The following EIF1AX variants were observed in gnomAD, a reference collection of about 807,000 sequenced individuals.
EIF1AX encodes eukaryotic translation initiation factor 1A, X-chromosomal.
A neutral mutation model predicts 16.1 loss-of-function variants in EIF1AX; 1 was observed. The ratio of observed to expected loss-of-function variants is 0.06; its 90% CI spans 0.02 to 0.30. The LOEUF is 0.30. EIF1AX is among the 10% of genes least tolerant of loss of function. The pLI is 1.00. For missense variants in EIF1AX, 11 were observed against 109.1 expected (o/e 0.10, Z 4.00); for synonymous variants, 32 against 37.3 (o/e 0.86, Z 0.51).
At position 20,135,474 on chromosome X, in the gene EIF1AX, G is replaced by T. The variant is rs773518853; in HGVS notation, c.204+264C>A. Among the ~76,000 whole-genome samples the T allele has an allele frequency of 4.5e-5, 5 of 110,975 alleles. No individual in the cohort carries two copies. In the South Asian group the frequency reaches 1.9e-3, roughly 42 times the overall value. ...AAAAAAGACAAGGAAAAAAAAAACT[G>T]GGCCGTTTGTTTTTGCAGAATGTCT... On this transcript the variant is annotated intron_variant, in intron 3 of 6. Coordinates refer to ENST00000379607, the MANE Select transcript of EIF1AX (RefSeq NM_001412.4).
At chrX:20,131,927 A>G (rs1603415014) in intron 5 of EIF1AX, among the ~76,000 whole-genome samples, 1 of 108,632 alleles carries the variant, frequency 9.2e-6, no homozygotes, top group African/African-American at 3.4e-5. Flanking sequence ...AATAGATACT[A>G]TAACAAAATT....
At position 20,141,663 on chromosome X, in the gene EIF1AX, C is replaced by A; in HGVS notation, c.-23G>T. 2.6e-6 allele frequency: 3 copies of A among 1,153,767 alleles called. No individual in the cohort carries two copies. In the East Asian group the frequency reaches 1.0e-4, roughly 39 times the overall value. On this transcript the variant is annotated 5_prime_UTR_variant, in exon 1 of 7. Transcript: ENST00000379607. ...CATGGCGGTGGCGGCGACCTCGCGGCGTCTCTGACTTCTTTCCGGGTAGCG... is the reference window on the plus strand; with the variant it reads ...CATGGCGGTGGCGGCGACCTCGCGGAGTCTCTGACTTCTTTCCGGGTAGCG...
chrX:20,129,110 T>C (rs1230378972), intron 6 of EIF1AX, among the ~76,000 whole-genome samples: 2 of 111,371 alleles, frequency 1.8e-5, no homozygotes, highest in Admixed American at 9.6e-5. Context: ...GCTCAGGGTC[T>C]CCAAAATTAA....
At position 20,126,198 on chromosome X, in the gene EIF1AX, T is replaced by C. The variant is rs2066984787; in HGVS notation, c.*2108A>G. 7.2e-6 allele frequency: 1 copy of C among 139,457 alleles called. No homozygotes were observed. Among genetic ancestry groups the C allele is most frequent in the African/African-American group, 3.2e-5 (1 of 31,526 alleles). The allele number at this position is 139,457 out of a possible 1,213,427, so 11.5% of individuals were successfully genotyped here. A position where few individuals can be genotyped will look rare whatever the true frequency, so the allele number is the denominator to read the frequency against. ...GAATCAGAGTGTATAAGCAAAAAAA[T>C]GAAAAATAAAACTTCTTGGAGACCA... On this transcript the variant is annotated 3_prime_UTR_variant, in exon 7 of 7. Coordinates refer to ENST00000379607, the MANE Select transcript of EIF1AX (RefSeq NM_001412.4).
At position 20,137,631 on chromosome X, in the gene EIF1AX, G is replaced by A. The variant is rs962534032; in HGVS notation, c.100+908C>T. On this transcript the variant is annotated intron_variant, in intron 2 of 6. Coordinates refer to ENST00000379607, the MANE Select transcript of EIF1AX (RefSeq NM_001412.4). ...TATTTGACTAGTGCTATGTATCTTG[G>A]TCTGGCACTTACAATATTCTTCAGT... 2.7e-5 allele frequency among the ~76,000 whole-genome samples: 3 copies of A among 111,535 alleles called. No homozygotes were observed. In the Admixed American group the frequency reaches 2.9e-4, roughly 11 times the overall value.
chrX:20,141,176 A>G (rs757608188), intron 1 of EIF1AX, among the ~76,000 whole-genome samples: 21 of 111,823 alleles, frequency 1.9e-4, no homozygotes, highest in Non-Finnish European at 3.6e-4. Context: ...CTGTCCATAA[A>G]GAAACCCATG....
At chrX:20,139,118 G>A (rs1233657940) in intron 1 of EIF1AX, among the ~76,000 whole-genome samples, 1 of 111,604 alleles carries the variant, frequency 9.0e-6, no homozygotes, top group Non-Finnish European at 1.9e-5. Context: ...GTGCAGTGGT[G>A]TGCGCCTAGG....
In EIF1AX at chrX:20,141,688, G is replaced by T; in HGVS notation, c.-48C>A. On this transcript the variant is annotated 5_prime_UTR_variant, in exon 1 of 7. Transcript: ENST00000379607. ...CGTCTCTGACTTCTTTCCGGGTAGC[G>T]GCGACCGCGGCGGCTGCTGCTCCGA... The T allele has an allele frequency of 8.9e-7, 1 of 1,126,318 alleles. No homozygotes were observed. The highest frequency in any genetic ancestry group is 2.0e-5 in the South Asian group (1 of 49,511). The allele number at this position is 1,126,318 out of a possible 1,213,427, so 92.8% of individuals were successfully genotyped here.
At chrX:20,129,795 G>T in intron 6 of EIF1AX, among the ~76,000 whole-genome samples, 1 of 112,113 alleles carries the variant, frequency 8.9e-6, no homozygotes, top group Non-Finnish European at 1.9e-5. Flanking sequence ...TATCAAGCTG[G>T]TTCAAACAAG....
At chrX:20,139,897 G>A (rs1341546095) in intron 1 of EIF1AX, 4 of 112,145 alleles carry the variant, frequency 3.6e-5, no homozygotes, top group Non-Finnish European at 5.6e-5. Context: ...TATCATGTTA[G>A]CTGTATTTTT....
Position 20,127,070 on chromosome X carries a change from T to C in EIF1AX, c.*1236A>G, listed in dbSNP as rs1354897930. ...GTTTGGCTAGTGAGGGCTAACTAGC[T>C]CAGCCCTAGTTTCATTTTATTAGAG... On this transcript the variant is annotated 3_prime_UTR_variant, in exon 7 of 7. Coordinates refer to ENST00000379607, the MANE Select transcript of EIF1AX (RefSeq NM_001412.4). 1 of 145,700 alleles carries C rather than the reference T, an allele frequency of 6.9e-6. No homozygotes were observed. The highest frequency in any genetic ancestry group is 3.0e-5 in the African/African-American group (1 of 32,967). The allele number at this position is 145,700 out of a possible 1,213,427, so 12.0% of individuals were successfully genotyped here.
intron 1 of EIF1AX, among the ~76,000 whole-genome samples, chrX:20,141,016 C>T (rs147525235): frequency 0.026 from 2,864 of 111,081 alleles, 109 homozygotes; most frequent in African/African-American, 0.09. Context: ...GAAAACTTGG[C>T]TCAATATGGA....
rs780268123 is a variant in EIF1AX at position 20,128,242 on chromosome X, T to G, written c.*64A>C. On this transcript the variant is annotated 3_prime_UTR_variant, in exon 7 of 7. Transcript: ENST00000379607. ...AATGAAATTTTAATCTTCTTTGTCA[T>G]GATCAAAATCCAAATTGTAGGACAA... is the stretch of plus-strand genomic sequence containing the variant. 10 of 1,052,379 alleles carry G rather than the reference T, an allele frequency of 9.5e-6. No homozygotes were observed. The African/African-American group carries it at 1.5e-4, about 16-fold the overall frequency. 86.7% of individuals were successfully genotyped at this position (1,052,379 alleles called of 1,213,427 possible).
At chrX:20,129,429 G>A (rs1282266836) in intron 6 of EIF1AX, among the ~76,000 whole-genome samples, 2 of 111,478 alleles carry the variant, frequency 1.8e-5, no homozygotes, top group Admixed American at 9.6e-5. Flanking sequence ...TTGTTTTTGG[G>A]TTGAAATACA....
At chrX:20,133,889 T>C in intron 4 of EIF1AX, 68 bp downstream of exon 4, 1 of 877,210 alleles carries the variant, frequency 1.1e-6, no homozygotes, top group South Asian at 2.2e-5. Context: ...GAAACAAAAC[T>C]GGCTCTTAAG....
intron 1 of EIF1AX, among the ~76,000 whole-genome samples, chrX:20,139,642 C>A (rs1423763798): frequency 9.0e-6 from 1 of 111,064 alleles, no homozygotes; most frequent in Non-Finnish European, 1.9e-5. Flanking sequence ...TGGTAATGAC[C>A]CTAAGAGACT....
intron 6 of EIF1AX, 127 bp downstream of exon 6, chrX:20,130,389 C>A: frequency 2.1e-6 from 1 of 477,251 alleles, no homozygotes; most frequent in Non-Finnish European, 2.7e-6. Context: ...TTATTTAATT[C>A]AGACAATTCT....
rs758045980 is a variant in EIF1AX, at chrX:20,125,333, T to G, written c.*2973A>C. 1.8e-5 allele frequency: 3 copies of G among 169,980 alleles called. No individual in the cohort carries two copies. The highest frequency in any genetic ancestry group is 3.4e-5 in the Non-Finnish European group (3 of 88,667). 14.0% of individuals were successfully genotyped at this position (169,980 alleles called of 1,213,427 possible). A position where few individuals can be genotyped will look rare whatever the true frequency, so the allele number is the denominator to read the frequency against. ...CTGAGAGTCTTGTGTCTTTTCACAT[T>G]TTGCTCTTTTCTGAATAGGAAGAAA... On this transcript the variant is annotated 3_prime_UTR_variant, in exon 7 of 7. Coordinates refer to ENST00000379607, the MANE Select transcript of EIF1AX (RefSeq NM_001412.4).
At chrX:20,134,252 G>T (rs2067009151) in intron 3 of EIF1AX, among the ~76,000 whole-genome samples, 1 of 111,331 alleles carries the variant, frequency 9.0e-6, no homozygotes, top group East Asian at 2.8e-4. Context: ...GCTGGGCGTG[G>T]TGGCATGCCC....
Sources: gnomAD v4.1 joint callset for allele counts (sites outside exome capture counted in the v4.1 genomes callset) on GRCh38, gnomAD v4.1.1 for gene constraint, MANE v1.5 for transcripts, NCBI Gene and HGNC (gene_info 2026-07-23, HGNC 2026-07-21) for gene names.